Variants in KCNT1 observed in about 807,000 individuals in gnomAD.
KCNT1 encodes the protein potassium channel subfamily T member 1.
Under a neutral mutation model 147.8 loss-of-function variants are expected in KCNT1, and 78 were observed. The ratio of observed to expected loss-of-function variants is 0.53; its 90% confidence interval spans 0.44 to 0.64. The LOEUF (loss-of-function observed/expected upper bound fraction) is 0.64. Among genes scored for constraint, KCNT1 ranks in the 30% least tolerant of loss-of-function variants. The pLI, the probability that KCNT1 is intolerant of heterozygous loss-of-function variation, is 0.00. For synonymous variants in KCNT1, 867 were observed against 748.8 expected (o/e 1.16, Z -2.58); for missense variants, 1,419 against 1,750.3 (o/e 0.81, Z 3.38).
At chr9:135,758,577 C>T (rs528121973) in intron 10 of KCNT1, 69 bp downstream of exon 10, 21 of 1,258,306 alleles carry the variant, frequency 1.7e-5, no homozygotes, top group African/African-American at 7.4e-5. Flanking sequence ...CAGGGCCGGG[C>T]GAGGGGATAC....
At position 135,785,556 on chromosome 9, in the gene KCNT1, A is replaced by G. The variant is rs548732317; in HGVS notation, c.3177+226A>G. On this transcript the variant is annotated intron_variant, in intron 28 of 30. Coordinates refer to ENST00000371757, the MANE Select transcript of KCNT1 (RefSeq NM_020822.3). ...GGTGGGGAAGCTGAGGCCTGGGGGG[A>G]GTAGCCTGTGAGTTTGGACACCAGG... 4.7e-5 allele frequency: 31 copies of G among 653,454 alleles called. 1 individual carries two copies. In the Admixed American group the frequency reaches 6.3e-4, roughly 13 times the overall value. The allele number at this position is 653,454 out of a possible 1,614,324, so 40.5% of individuals were successfully genotyped here.
Position 135,714,599 on chromosome 9 carries a change from G to A in KCNT1, c.133G>A (p.Ala45Thr). 1 of 1,404,320 alleles carries A rather than the reference G, an allele frequency of 7.1e-7. No individual in the cohort carries two copies. Among genetic ancestry groups the A allele is most frequent in the Non-Finnish European group, 9.4e-7 (1 of 1,063,180 alleles). 87.0% of individuals were successfully genotyped at this position (1,404,320 alleles called of 1,614,324 possible). Residue 45 changes from alanine to threonine, a missense_variant, in exon 2 of 31, where the codon GCG (alanine) becomes ACG (threonine). Transcript: ENST00000371757. This position sits in a 1 kb window ranked among gnomAD's most constrained non-coding sequence, Gnocchi z 6.2. Reference sequence around the variant, plus strand: ...CAGGCGGCCCTGCGCGGGGGACGGCGCGCTCCTGGACACCGCCGGCTTCAA... The same window carrying A: ...CAGGCGGCCCTGCGCGGGGGACGGCACGCTCCTGGACACCGCCGGCTTCAA... ...APRRPCAGDG[A>T]LLDTAGFKMS...
At position 135,784,052 on chromosome 9, in the gene KCNT1, C is replaced by A; in HGVS notation, c.2870C>A (p.Ala957Asp). ...GAGCGAGAGAATGGCTCCAACCTGG[C>A]CTTCATGTTCCGCCTGCCGTTCGCC... ...KRERENGSNL[A>D]FMFRLPFAAG... The change falls in exon 25 of 31, where the codon GCC becomes GAC. Residue 957 changes from alanine (A) to aspartate (D), a missense_variant. Transcript: ENST00000371757. The A allele has an allele frequency of 6.2e-7, 1 of 1,606,128 alleles. No homozygotes were observed. The highest frequency in any genetic ancestry group is 8.5e-7 in the Non-Finnish European group (1 of 1,179,926).
chr9:135,750,145 T>C lies in KCNT1; in HGVS notation c.302T>C (p.Leu101Pro). 6.2e-7 allele frequency: 1 copy of C among 1,613,628 alleles called. No homozygotes were observed. The highest frequency in any genetic ancestry group is 1.1e-5 in the South Asian group (1 of 91,066). The change falls in exon 3 of 31, where the codon CTC becomes CCC. Residue 101 changes from leucine (L) to proline (P), a missense_variant. Leu to Pro is a moderately conservative substitution (Grantham distance 98). Coordinates refer to ENST00000371757, the MANE Select transcript of KCNT1 (RefSeq NM_020822.3). ...AACGAGAACACCTTCAAGGAGCGGCTCAAGCTGTTCTTCATCAAAAACCAA... is the reference window on the plus strand; with the variant it reads ...AACGAGAACACCTTCAAGGAGCGGCCCAAGCTGTTCTTCATCAAAAACCAA... ...YVNENTFKERLKLFFIKNQRS... is the reference protein window; with the variant it reads ...YVNENTFKERPKLFFIKNQRS...
chr9:135,759,938 G>A (rs2131452329), intron 11 of KCNT1, 79 bp downstream of exon 11: 2 of 1,370,638 alleles, frequency 1.5e-6, no homozygotes, highest in Middle Eastern at 4.6e-4. Context: ...GTGCCACTGA[G>A]GCTGTGGCAC....
At position 135,702,230 on chromosome 9, in the gene KCNT1, C is replaced by T. The variant is rs766797039; in HGVS notation, c.-29C>T. The T allele has an allele frequency of 1.9e-6, 3 of 1,549,056 alleles. No individual in the cohort carries two copies. The Admixed American group carries it at 5.2e-5, about 27-fold the overall frequency. ...GGTGGCGGCTCCCACTCGCTTCTCC[C>T]TCGGGTCGGGTCCGAGCTGCCAGGC... On this transcript the variant is annotated 5_prime_UTR_variant, in exon 1 of 31. Transcript: ENST00000371757.
chr9:135,772,796 T>C lies in KCNT1; in HGVS notation c.2090T>C (p.Leu697Pro). 6.6e-7 allele frequency: 1 copy of C among 1,506,416 alleles called. No homozygotes were observed. The highest frequency in any genetic ancestry group is 1.3e-5 in the South Asian group (1 of 76,988). The allele number at this position is 1,506,416 out of a possible 1,614,324, so 93.3% of individuals were successfully genotyped here. A position where few individuals can be genotyped will look rare whatever the true frequency, so the allele number is the denominator to read the frequency against. ...GGGGGGSKLA[L>P]PTENGSGSRR... is the part of the protein sequence containing the mutation. ...GGGGGCGGGGGCAGCAAGCTGGCAC[T>C]GCCCACGGAGAACGGCTCGGGCAGC... Residue 697 changes from leucine to proline, a missense_variant, in exon 19 of 31, where the codon CTG becomes CCG. Leu to Pro is a moderately conservative substitution (Grantham distance 98). This residue lies in a region of KCNT1 where 284 missense variants were observed against 292.8 expected (regional missense o/e 0.97). Coordinates refer to ENST00000371757, the MANE Select transcript of KCNT1 (RefSeq NM_020822.3).
intron 10 of KCNT1, 114 bp downstream of exon 10, chr9:135,758,622 G>A (rs1831680667): frequency 3.6e-6 from 3 of 843,100 alleles, no homozygotes; most frequent in Admixed American, 4.0e-5. Context: ...GGCAGAAAAG[G>A]CCACAGTGCC....
chr9:135,732,040 A>AGAGAGAGAGAGAGG (rs1836504744), intron 2 of KCNT1, among the ~76,000 whole-genome samples: 1 of 135,422 alleles, frequency 7.4e-6, no homozygotes, highest in Non-Finnish European at 1.6e-5. Context: ...AGAGAGAGAG[A>AGAGAGAGAGAGAGG]GGGAGTCTCA....
rs5901089 is a variant in KCNT1 at position 135,702,420 on chromosome 9, A to AC, written c.110+57dup. On this transcript the variant is annotated intron_variant, in intron 1 of 30. Coordinates refer to ENST00000371757, the MANE Select transcript of KCNT1 (RefSeq NM_020822.3). The stretch of plus-strand genomic sequence containing the variant: ...CGGGGAGGCCCCGGTCTAACCTAAG[A>AC]CCCCCAAGTTCCCCCTCAGGCTCCC... 0.91 allele frequency: 1,233,854 copies of AC among 1,359,704 alleles called. 562,675 individuals are homozygous for AC. The highest frequency in any genetic ancestry group is 0.92 in the Non-Finnish European group (878,715 of 953,232). The allele number at this position is 1,359,704 out of a possible 1,614,324, so 84.2% of individuals were successfully genotyped here. A position where few individuals can be genotyped will look rare whatever the true frequency, so the allele number is the denominator to read the frequency against.
intron 29 of KCNT1, among the ~76,000 whole-genome samples, chr9:135,787,488 C>T (rs1051594551): frequency 1.3e-5 from 2 of 152,212 alleles, no homozygotes; most frequent in African/African-American, 4.8e-5. Flanking sequence ...TCTGTCCCGT[C>T]GGAGTGCCCC....
intron 2 of KCNT1, among the ~76,000 whole-genome samples, chr9:135,720,031 G>A (rs1232025774): frequency 6.6e-6 from 1 of 152,160 alleles, no homozygotes; most frequent in Non-Finnish European, 1.5e-5. Flanking sequence ...GCATTGCTGG[G>A]AACACGGGGC....
At chr9:135,782,214 A>C (rs898541028) in intron 24 of KCNT1, among the ~76,000 whole-genome samples, 1 of 152,126 alleles carries the variant, frequency 6.6e-6, no homozygotes, top group African/African-American at 2.4e-5. Flanking sequence ...AAAAAAAACC[A>C]AGCAAAAAAA....
At chr9:135,778,267 C>T in intron 21 of KCNT1, 157 bp from the exon 22 acceptor site, 1 of 637,526 alleles carries the variant, frequency 1.6e-6, no homozygotes. Flanking sequence ...TAAAGAATGG[C>T]CCACTGGCCT....
At chr9:135,745,417 C>T (rs1238211670) in intron 2 of KCNT1, among the ~76,000 whole-genome samples, 2 of 152,206 alleles carry the variant, frequency 1.3e-5, no homozygotes. Flanking sequence ...TGGCCCCACC[C>T]GGGGTCCCGC....
chr9:135,760,306 G>A (rs879610560), intron 11 of KCNT1, among the ~76,000 whole-genome samples: 10 of 152,216 alleles, frequency 6.6e-5, no homozygotes, highest in Non-Finnish European at 1.3e-4. Flanking sequence ...ACTGAGCAGA[G>A]GAGGGGACGG....
At chr9:135,726,964 TCCCTCTCTTTCCCATTCTCTCTCTCC>T in intron 2 of KCNT1, among the ~76,000 whole-genome samples, 6 of 103,932 alleles carry the variant, frequency 5.8e-5, no homozygotes, top group African/African-American at 1.1e-4. Context: ...ATTCTCCCTC[TCCCTCTCTTTCCCATTCTCTCTCTCC>T]CTCTCTCCCT....
At chr9:135,781,988 C>T (rs763815208) in intron 24 of KCNT1, among the ~76,000 whole-genome samples, 4 of 152,230 alleles carry the variant, frequency 2.6e-5, no homozygotes, top group Non-Finnish European at 4.4e-5. Context: ...CTAAGGCGGA[C>T]GGATCACCTG....
rs1477855545 is a variant in KCNT1 at position 135,758,486 on chromosome 9, C to T, written c.832C>T (p.Leu278=). ...FNQVLILFCT[L]LCLVFTGTCG... Reference sequence around the variant, plus strand: ...CCAGGTCCTCATCCTCTTCTGCACCCTGCTGTGCCTCGTTTTCACGGGGTG... The same window carrying T: ...CCAGGTCCTCATCCTCTTCTGCACCTTGCTGTGCCTCGTTTTCACGGGGTG... The change falls in exon 10 of 31, where the codon CTG becomes TTG. Residue 278 remains leucine, a synonymous_variant. Transcript: ENST00000371757. 1.9e-6 allele frequency: 3 copies of T among 1,613,624 alleles called. No individual in the cohort carries two copies. Among genetic ancestry groups the T allele is most frequent in the African/African-American group, 2.7e-5 (2 of 75,072 alleles).
Sources: gnomAD v4.1 joint callset for allele counts (sites outside exome capture counted in the v4.1 genomes callset) on GRCh38, gnomAD v4.1.1 for gene constraint, gnomAD v4.1.1 regional missense constraint, Gnocchi (gnomAD v3.1) non-coding constraint, MANE v1.5 for transcripts, NCBI Gene and HGNC (gene_info 2026-07-23, HGNC 2026-07-21) for gene names.